The following ADORA1 variants were observed in gnomAD, a reference collection of about 807,000 sequenced individuals.
ADORA1 encodes adenosine receptor A1.
Under a neutral mutation model 19.9 loss-of-function variants are expected in ADORA1, and 6 were observed. The observed-to-expected ratio is 0.30, with a 90% CI of 0.17 to 0.59. The LOEUF (loss-of-function observed/expected upper bound fraction) is 0.59, where lower values mean the gene tolerates loss of function less well. ADORA1 is among the 20% of genes least tolerant of loss of function. The pLI is 0.87. For synonymous variants in ADORA1, 194 were observed against 188.4 expected, an observed-to-expected ratio of 1.03 and a Z score of -0.24; for missense variants, 302 against 439.2, an observed-to-expected ratio of 0.69 and a Z score of 2.79.
intron 3 of ADORA1, chr1:203,150,768 A>G (rs1655005439): frequency 7.8e-7 from 1 of 1,289,652 alleles, no homozygotes; most frequent in African/African-American, 1.5e-5. Context: ...TTCTTTGGAA[A>G]GATTTCCAAG....
At chr1:203,155,656 G>C (rs539369281) in intron 3 of ADORA1, among the ~76,000 whole-genome samples, 1 of 152,360 alleles carries the variant, frequency 6.6e-6, no homozygotes, top group African/African-American at 2.4e-5. Context: ...AGCCTCTGCT[G>C]GTCTCACAGT....
At chr1:203,148,426 G>A (rs1292672121) in intron 3 of ADORA1, among the ~76,000 whole-genome samples, 1 of 152,298 alleles carries the variant, frequency 6.6e-6, no homozygotes, top group South Asian at 2.1e-4. Context: ...CGGAGCAATC[G>A]GCTCCATCTT....
At chr1:203,146,655 G>T (rs1166612112) in intron 3 of ADORA1, among the ~76,000 whole-genome samples, 1 of 151,546 alleles carries the variant, frequency 6.6e-6, no homozygotes, top group East Asian at 1.9e-4. Context: ...GAAAGAGAGA[G>T]AATACAAGAT....
intron 3 of ADORA1, among the ~76,000 whole-genome samples, chr1:203,134,258 G>A (rs4950920): frequency 0.66 from 101,115 of 152,086 alleles, 33,784 homozygotes; most frequent in African/African-American, 0.69. Context: ...GAGCAGAAGA[G>A]CTCTTTGCAG....
At position 203,165,767 on chromosome 1, in the gene ADORA1, T is replaced by C. The variant is rs575455405; in HGVS notation, c.848T>C (p.Met283Thr). 21 of 1,614,000 alleles carry C rather than the reference T, an allele frequency of 1.3e-5. No homozygotes were observed. Among genetic ancestry groups the C allele is most frequent in the Non-Finnish European group, 1.7e-5 (20 of 1,179,890 alleles). ...AIFLTHGNSA[M>T]NPIVYAFRIQ... ...TTCCTCACGCACGGCAACTCGGCCA[T>C]GAACCCCATTGTCTATGCCTTCCGC... The change falls in exon 4 of 4, where the codon ATG (methionine) becomes ACG (threonine). Residue 283 changes from methionine (M) to threonine (T), a missense_variant. Physicochemically the swap from Met to Thr is moderately conservative, Grantham distance 81 (BLOSUM62 -1). Transcript: ENST00000337894. The surrounding 1 kb of genome is among the most constrained non-coding windows in gnomAD (Gnocchi z 5.9).
At chr1:203,131,255 C>G in intron 3 of ADORA1, among the ~76,000 whole-genome samples, 1 of 152,302 alleles carries the variant, frequency 6.6e-6, no homozygotes, top group South Asian at 2.1e-4. Context: ...CACATACACA[C>G]GAAGAAACAC....
At position 203,165,040 on chromosome 1, in the gene ADORA1, T is replaced by A; in HGVS notation, c.342-221T>A. The A allele has an allele frequency of 1.9e-6, 3 of 1,549,730 alleles. No homozygotes were observed. Reference sequence around the variant, plus strand: ...TTATTATTTTTGTCATTAATCAGGATTTCCTCTCTCTGTAGGAGAATAAGC... The same window carrying A: ...TTATTATTTTTGTCATTAATCAGGAATTCCTCTCTCTGTAGGAGAATAAGC... On this transcript the variant is annotated intron_variant, in intron 3 of 3. Coordinates refer to ENST00000337894, the MANE Select transcript of ADORA1 (RefSeq NM_000674.3). The surrounding 1 kb of genome is among the most constrained non-coding windows in gnomAD (Gnocchi z 5.9).
intron 3 of ADORA1, among the ~76,000 whole-genome samples, chr1:203,156,836 A>G (rs1472243067): frequency 6.6e-6 from 1 of 152,222 alleles, no homozygotes; most frequent in Non-Finnish European, 1.5e-5. Flanking sequence ...CATCACACAG[A>G]CAGGAGCTGA....
chr1:203,154,058 C>G (rs1466847097), intron 3 of ADORA1, among the ~76,000 whole-genome samples: 4 of 152,170 alleles, frequency 2.6e-5, no homozygotes, highest in Non-Finnish European at 4.4e-5. Flanking sequence ...ACCCCCCGGC[C>G]CTCCACCTCC....
Position 203,166,062 on chromosome 1 carries a change from C to G in ADORA1, c.*162C>G, listed in dbSNP as rs1655543661. 1.0e-6 allele frequency: 1 copy of G among 977,178 alleles called. No individual in the cohort carries two copies. The highest frequency in any genetic ancestry group is 1.6e-5 in the African/African-American group (1 of 61,344). The allele number at this position is 977,178 out of a possible 1,614,324, so 60.5% of individuals were successfully genotyped here. A position where few individuals can be genotyped will look rare whatever the true frequency, so the allele number is the denominator to read the frequency against. On this transcript the variant is annotated 3_prime_UTR_variant, in exon 4 of 4. Coordinates refer to ENST00000337894, the MANE Select transcript of ADORA1 (RefSeq NM_000674.3). ...ATACCCACAGAGTGTGGTCCCTCCA[C>G]TAGGAGTTAACTACCCTACACCTCT...
chr1:203,135,413 C>G (rs1032511996), intron 3 of ADORA1, among the ~76,000 whole-genome samples: 14 of 152,134 alleles, frequency 9.2e-5, no homozygotes, highest in Non-Finnish European at 1.8e-4. Flanking sequence ...AATCCCAACA[C>G]TTTGGGAGCC....
At chr1:203,145,705 A>C (rs1420791031) in intron 3 of ADORA1, among the ~76,000 whole-genome samples, 7 of 152,232 alleles carry the variant, frequency 4.6e-5, no homozygotes, top group African/African-American at 1.7e-4. Context: ...TATGCCTCAC[A>C]GGACTGTGGG....
chr1:203,145,386 C>T (rs1654827497), intron 3 of ADORA1, among the ~76,000 whole-genome samples: 1 of 152,194 alleles, frequency 6.6e-6, no homozygotes, highest in African/African-American at 2.4e-5. Flanking sequence ...GGCCACCTTC[C>T]CCGCTGACCT....
intron 3 of ADORA1, among the ~76,000 whole-genome samples, chr1:203,139,891 C>G (rs572972801): frequency 7.8e-4 from 119 of 152,312 alleles, no homozygotes; most frequent in Admixed American, 2.7e-3. Context: ...ACAAGGGCTT[C>G]AGTAAGGCCT....
rs1301407642 is a variant in ADORA1 at position 203,128,985 on chromosome 1, C to G, written c.144C>G (p.Ile48Met). ...TGCGGGATGCCACCTTCTGCTTCAT[C>G]GTGTCGCTGGCGGTGGCTGATGTGG... The part of the protein sequence containing the change: ...QALRDATFCF[I>M]VSLAVADVAV... The change falls in exon 3 of 4, where the codon ATC (isoleucine) becomes ATG (methionine). Residue 48 changes from isoleucine (I) to methionine (M), a missense_variant. Transcript: ENST00000337894. The surrounding 1 kb of genome is among the most constrained non-coding windows in gnomAD (Gnocchi z 5.9). The G allele has an allele frequency of 1.2e-6, 2 of 1,614,170 alleles. No homozygotes were observed. Among genetic ancestry groups the G allele is most frequent in the South Asian group, 1.1e-5 (1 of 91,084 alleles).
At chr1:203,150,561 C>T (rs1654998903) in intron 3 of ADORA1, 5 of 1,253,954 alleles carry the variant, frequency 4.0e-6, no homozygotes, top group East Asian at 1.1e-4. Context: ...TTGGGCTCTA[C>T]ACCCCTTTGC....
intron 3 of ADORA1, among the ~76,000 whole-genome samples, chr1:203,145,260 T>A (rs1470370769): frequency 6.6e-6 from 1 of 151,974 alleles, no homozygotes; most frequent in Non-Finnish European, 1.5e-5. Flanking sequence ...GAAAAGTGAG[T>A]GTTGAGTCCA....
Position 203,128,295 on chromosome 1 carries a change from G to A in ADORA1, c.-195G>A, listed in dbSNP as rs776471594. On this transcript the variant is annotated 5_prime_UTR_variant, in exon 2 of 4. Transcript: ENST00000337894. This position sits in a 1 kb window ranked among gnomAD's most constrained non-coding sequence, Gnocchi z 5.9. ...CTTGAAAGGCCGGGCTGGGAGCGCT[G>A]CGGCGGGAGCCGGAGGACTATGAGC... The A allele has an allele frequency of 7.8e-6, 10 of 1,275,338 alleles. No homozygotes were observed. Among genetic ancestry groups the A allele is most frequent in the Non-Finnish European group, 1.0e-5 (10 of 978,436 alleles). 79.0% of individuals were successfully genotyped at this position (1,275,338 alleles called of 1,614,324 possible). A position where few individuals can be genotyped will look rare whatever the true frequency, so the allele number is the denominator to read the frequency against.
At chr1:203,130,130 G>A (rs1276259319) in intron 3 of ADORA1, among the ~76,000 whole-genome samples, 1 of 152,200 alleles carries the variant, frequency 6.6e-6, no homozygotes, top group African/African-American at 2.4e-5. Context: ...TTTCTCCTGG[G>A]GAGCTCTGGC....
Sources: gnomAD v4.1 joint callset for allele counts (sites outside exome capture counted in the v4.1 genomes callset) on GRCh38, gnomAD v4.1.1 for gene constraint, Gnocchi (gnomAD v3.1) non-coding constraint, MANE v1.5 for transcripts, NCBI Gene and HGNC (gene_info 2026-07-23, HGNC 2026-07-21) for gene names.